The following PALS1 variants were observed in gnomAD, a reference collection of about 807,000 sequenced individuals.
PALS1 encodes the protein protein associated with LIN7 1, MAGUK p55 family member.
A neutral mutation model predicts 78.9 loss-of-function variants in PALS1; 31 were observed. That is an observed-to-expected ratio of 0.39 (90% CI 0.30 to 0.53). The LOEUF (loss-of-function observed/expected upper bound fraction) is 0.53. Ranked by LOEUF, PALS1 falls within the 20% of genes least tolerant of loss-of-function variation. The pLI is 0.67. For synonymous variants in PALS1, 276 were observed against 270.9 expected, an observed-to-expected ratio of 1.02 and a Z score of -0.18; for missense variants, 704 against 826.5, an observed-to-expected ratio of 0.85 and a Z score of 1.82.
intron 1 of PALS1, among the ~76,000 whole-genome samples, chr14:67,267,081 C>T (rs2084339984): frequency 6.6e-6 from 1 of 151,994 alleles, no homozygotes. Flanking sequence ...GCACTCCAGC[C>T]TGTCTCACAG....
chr14:67,280,977 A>C (rs1200407078), intron 3 of PALS1, among the ~76,000 whole-genome samples: 1 of 149,700 alleles, frequency 6.7e-6, no homozygotes, highest in East Asian at 2.0e-4. Context: ...GGCTCACAGC[A>C]ATCTCCGCCT....
At position 67,332,895 on chromosome 14, in the gene PALS1, T is replaced by G. The variant is rs2085471159; in HGVS notation, c.1967T>G (p.Leu656Arg). 6.2e-7 allele frequency: 1 copy of G among 1,614,082 alleles called. No individual in the cohort carries two copies. The highest frequency in any genetic ancestry group is 1.1e-5 in the South Asian group (1 of 91,078). ...SDLDKAYQEL[L>R]RLINKLDTEP... ...CTTGATAAAGCCTATCAGGAATTGC[T>G]TAGGTTAATTAACAAACTTGATACT... The change falls in exon 15 of 15, where the codon CTT becomes CGT. Residue 656 changes from leucine to arginine, a missense_variant. Coordinates refer to ENST00000261681, the MANE Select transcript of PALS1 (RefSeq NM_022474.4).
intron 8 of PALS1, among the ~76,000 whole-genome samples, chr14:67,311,038 G>A (rs547119134): frequency 7.9e-5 from 12 of 152,246 alleles, no homozygotes; most frequent in Non-Finnish European, 1.3e-4. Flanking sequence ...AAGGCCAGGC[G>A]TGGTGGCTCG....
chr14:67,305,528 G>A (rs1178576135), intron 8 of PALS1, among the ~76,000 whole-genome samples: 2 of 152,160 alleles, frequency 1.3e-5, no homozygotes, highest in Non-Finnish European at 2.9e-5. Flanking sequence ...TGGTCCACCC[G>A]CCTCGGCCTC....
chr14:67,272,857 T>C (rs2084429463), intron 2 of PALS1, among the ~76,000 whole-genome samples: 1 of 152,068 alleles, frequency 6.6e-6, no homozygotes, highest in Non-Finnish European at 1.5e-5. Context: ...TTTGTAGAGA[T>C]GGGGTATCAC....
At chr14:67,276,945 AAC>A (rs1009382492) in intron 2 of PALS1, among the ~76,000 whole-genome samples, 4 of 152,288 alleles carry the variant, frequency 2.6e-5, no homozygotes, top group Non-Finnish European at 5.9e-5. Context: ...ATTAGTTAAA[AAC>A]ACATCATTTA....
At chr14:67,324,239 CAG>C (rs2141011314) in intron 14 of PALS1, among the ~76,000 whole-genome samples, 1 of 152,166 alleles carries the variant, frequency 6.6e-6, no homozygotes, top group African/African-American at 2.4e-5. Flanking sequence ...TGGTTTGGAA[CAG>C]AAAAATTTTT....
chr14:67,244,810 C>T lies in PALS1; in HGVS notation c.-237+3277C>T, dbSNP rs963575020. Among the ~76,000 whole-genome samples the T allele has an allele frequency of 6.8e-4, 103 of 152,158 alleles. 5 individuals are homozygous for T. Among genetic ancestry groups the T allele is most frequent in the Non-Finnish European group, 2.9e-5 (2 of 68,034 alleles). On this transcript the variant is annotated intron_variant, in intron 1 of 14. Transcript: ENST00000261681. ...AAGGTCTTCAAAGATATCCTAATCCCTGGAACCTGTGAATATGTTTGCTTA... is the reference window on the plus strand; with the variant it reads ...AAGGTCTTCAAAGATATCCTAATCCTTGGAACCTGTGAATATGTTTGCTTA...
At chr14:67,319,610 TAAAA>T (rs11366985) in intron 11 of PALS1, among the ~76,000 whole-genome samples, 3 of 128,592 alleles carry the variant, frequency 2.3e-5, no homozygotes, top group Admixed American at 7.8e-5. Context: ...GCTGATGAGC[TAAAA>T]AAAAAAAAAA....
chr14:67,303,827 G>C (rs1232000788), intron 8 of PALS1, among the ~76,000 whole-genome samples: 1 of 151,602 alleles, frequency 6.6e-6, no homozygotes, highest in Non-Finnish European at 1.5e-5. Context: ...GAGTGCAGTG[G>C]TGTGATCTTG....
intron 9 of PALS1, 37 bp from the exon 10 acceptor site, chr14:67,316,795 T>G: frequency 6.4e-7 from 1 of 1,556,912 alleles, no homozygotes; most frequent in Non-Finnish European, 8.7e-7. Context: ...CCTTTTATCT[T>G]AAATATTTTA....
rs10646700 is a variant in PALS1 at position 67,295,104 on chromosome 14, AGT to A, written c.576+2412_576+2413del. 5.9e-3 allele frequency: 810 copies of A among 137,558 alleles called. 1 individual carries two copies. The highest frequency in any genetic ancestry group is 0.011 in the Middle Eastern group (3 of 276). The allele number at this position is 137,558 out of a possible 1,614,324, so 8.5% of individuals were successfully genotyped here. A position where few individuals can be genotyped will look rare whatever the true frequency, so the allele number is the denominator to read the frequency against. ...ATGGTATTTGATTTTGAGATATTGA[AGT>A]GTGTGTGTGTGTGTGTGTGTGTGTG... On this transcript the variant is annotated intron_variant, in intron 4 of 14. Transcript: ENST00000261681.
intron 3 of PALS1, among the ~76,000 whole-genome samples, chr14:67,286,563 T>G (rs2084690830): frequency 6.6e-6 from 1 of 152,022 alleles, no homozygotes; most frequent in African/African-American, 2.4e-5. Context: ...TGTGGAAAAT[T>G]AACTGTTCTT....
At chr14:67,258,301 A>G (rs140925101) in intron 1 of PALS1, among the ~76,000 whole-genome samples, 1 of 152,168 alleles carries the variant, frequency 6.6e-6, no homozygotes, top group Non-Finnish European at 1.5e-5. Context: ...TTGGGATCCC[A>G]AGGCAGGTGG....
chr14:67,290,197 A>T (rs538248520), intron 3 of PALS1, among the ~76,000 whole-genome samples: 305 of 152,286 alleles, frequency 2.0e-3, no homozygotes, highest in African/African-American at 6.9e-3. Flanking sequence ...TTGGAAGACT[A>T]GGAAAGAGGG....
intron 8 of PALS1, among the ~76,000 whole-genome samples, chr14:67,306,418 C>T (rs1289880762): frequency 6.6e-6 from 1 of 152,064 alleles, no homozygotes. Flanking sequence ...GATCTTGGCT[C>T]ACTGTAACCT....
rs758419057 is a variant in PALS1, at chr14:67,312,557, C to G, written c.1072C>G (p.Pro358Ala). 1.1e-5 allele frequency: 18 copies of G among 1,602,130 alleles called. No homozygotes were observed. The highest frequency in any genetic ancestry group is 1.5e-5 in the Non-Finnish European group (18 of 1,173,552). The change falls in exon 9 of 15, where the codon CCC becomes GCC. Residue 358 changes from proline (P) to alanine (A), a missense_variant. Transcript: ENST00000261681. ...IHVKAHFDYD[P>A]SDDPYVPCRE... ...TGTAAAAGCTCATTTTGACTATGAC[C>G]CCTCAGATGACCCTTATGTTCCATG...
chr14:67,301,279 A>C (rs1275767299), intron 4 of PALS1, 110 bp from the exon 5 acceptor site: 2 of 518,820 alleles, frequency 3.9e-6, no homozygotes, highest in Admixed American at 7.0e-5. Flanking sequence ...TTTATTTCTT[A>C]CAAGTATTTT....
rs1007088268 is a variant in PALS1, at chr14:67,333,897, G to C, written c.*941G>C. 3 of 152,524 alleles carry C rather than the reference G, an allele frequency of 2.0e-5. No homozygotes were observed. The highest frequency in any genetic ancestry group is 4.4e-5 in the Non-Finnish European group (3 of 68,012). 9.4% of individuals were successfully genotyped at this position (152,524 alleles called of 1,614,324 possible). ...CATTTGACAGTTTTTGCATTTTTAT[G>C]TATGAGCACAGTATCCTATGACTGT... On this transcript the variant is annotated 3_prime_UTR_variant, in exon 15 of 15. Coordinates refer to ENST00000261681, the MANE Select transcript of PALS1 (RefSeq NM_022474.4).
Sources: gnomAD v4.1 joint callset for allele counts (sites outside exome capture counted in the v4.1 genomes callset) on GRCh38, gnomAD v4.1.1 for gene constraint, MANE v1.5 for transcripts, NCBI Gene and HGNC (gene_info 2026-07-23, HGNC 2026-07-21) for gene names.